Variants in SLC25A33 observed in about 807,000 individuals in gnomAD.
SLC25A33 encodes bone marrow stromal cell mitochondrial carrier protein.
Under a neutral mutation model 35.5 loss-of-function variants are expected in SLC25A33, and 15 were observed. The observed-to-expected ratio is 0.42, with a 90% CI of 0.28 to 0.65. The LOEUF (loss-of-function observed/expected upper bound fraction) is 0.65. Among genes scored for constraint, SLC25A33 ranks in the 30% least tolerant of loss-of-function variants. SLC25A33 has a pLI of 0.20. For synonymous variants in SLC25A33, 136 were observed against 148.7 expected (o/e 0.91, Z 0.62); for missense variants, 257 against 398.5 (o/e 0.64, Z 3.02).
At chr1:9,560,389 C>G (rs1475052294) in intron 2 of SLC25A33, among the ~76,000 whole-genome samples, 1 of 151,888 alleles carries the variant, frequency 6.6e-6, no homozygotes, top group African/African-American at 2.4e-5. Context: ...ACGGTGAAAC[C>G]CTATCTCTAC....
At chr1:9,572,692 A>G (rs1050216577) in intron 4 of SLC25A33, among the ~76,000 whole-genome samples, 7 of 152,140 alleles carry the variant, frequency 4.6e-5, no homozygotes, top group African/African-American at 1.7e-4. Flanking sequence ...GGTGTGAGGT[A>G]TTACAGAAGA....
chr1:9,576,942 T>A, intron 5 of SLC25A33: 1 of 1,290,268 alleles, frequency 7.8e-7, no homozygotes, highest in Non-Finnish European at 1.1e-6. Flanking sequence ...GGGGATGGTA[T>A]CTATGTCTCT....
intron 2 of SLC25A33, among the ~76,000 whole-genome samples, chr1:9,564,055 C>A (rs9430273): frequency 0.27 from 40,354 of 151,978 alleles, 6,798 homozygotes; most frequent in African/African-American, 0.48. Flanking sequence ...AGAAATCCTC[C>A]ATAAGAAAAA....
intron 3 of SLC25A33, among the ~76,000 whole-genome samples, chr1:9,567,595 A>C (rs1022944050): frequency 6.6e-6 from 1 of 152,244 alleles, no homozygotes; most frequent in African/African-American, 2.4e-5. Context: ...TTAATCTGCT[A>C]TCATTACTGT....
intron 1 of SLC25A33, among the ~76,000 whole-genome samples, chr1:9,541,819 A>G (rs546843823): frequency 4.3e-4 from 65 of 149,922 alleles, no homozygotes; most frequent in African/African-American, 1.5e-3. Flanking sequence ...GTTTTTTTTC[A>G]GACGGAGTCT....
chr1:9,579,876 C>G, intron 5 of SLC25A33, 78 bp from the exon 6 acceptor site: 18 of 1,482,110 alleles, frequency 1.2e-5, no homozygotes, highest in Non-Finnish European at 1.6e-5. Context: ...AGACCCGTAC[C>G]TGTTCTCCTA....
chr1:9,569,237 C>A (rs1387226636), intron 3 of SLC25A33, among the ~76,000 whole-genome samples: 1 of 149,802 alleles, frequency 6.7e-6, no homozygotes, highest in South Asian at 2.1e-4. Context: ...AGAGCGAGAA[C>A]TCCATCTCAA....
At chr1:9,581,476 C>T (rs1643743735) in intron 6 of SLC25A33, among the ~76,000 whole-genome samples, 1 of 152,070 alleles carries the variant, frequency 6.6e-6, no homozygotes, top group East Asian at 1.9e-4. Context: ...TTGCTGTAAT[C>T]CCAGCACTTT....
At chr1:9,552,042 G>A (rs903818239) in intron 1 of SLC25A33, among the ~76,000 whole-genome samples, 2 of 152,092 alleles carry the variant, frequency 1.3e-5, no homozygotes, top group African/African-American at 4.8e-5. Context: ...TTGCCTTGAA[G>A]AAAAATATTT....
Position 9,583,863 on chromosome 1 carries a change from C to G in SLC25A33, c.*1362C>G, listed in dbSNP as rs1008769374. 6.6e-6 allele frequency: 1 copy of G among 152,020 alleles called. No individual in the cohort carries two copies. The highest frequency in any genetic ancestry group is 1.5e-5 in the Non-Finnish European group (1 of 68,038). The allele number at this position is 152,020 out of a possible 1,614,324, so 9.4% of individuals were successfully genotyped here. On this transcript the variant is annotated 3_prime_UTR_variant, in exon 7 of 7. Coordinates refer to ENST00000302692, the MANE Select transcript of SLC25A33 (RefSeq NM_032315.3). ...CAAAAAAATTGGCCATGCGTGGTGG[C>G]GGGCACCCATAGTCCCAGCTACTCG...
chr1:9,552,042 G>T (rs903818239), intron 1 of SLC25A33, among the ~76,000 whole-genome samples: 7 of 152,092 alleles, frequency 4.6e-5, no homozygotes, highest in Admixed American at 3.3e-4. Context: ...TTGCCTTGAA[G>T]AAAAATATTT....
chr1:9,582,112 C>T lies in SLC25A33; in HGVS notation c.764-187C>T, dbSNP rs1471107642. On this transcript the variant is annotated intron_variant, in intron 6 of 6. Coordinates refer to ENST00000302692, the MANE Select transcript of SLC25A33 (RefSeq NM_032315.3). This position sits in a 1 kb window ranked among gnomAD's most constrained non-coding sequence, Gnocchi z 4.0. The stretch of plus-strand genomic sequence containing the variant: ...GTTTTTCAGTAGAGACGGGGTTTCA[C>T]CATGTTGGCCAGGCTGGTCTCCAAC... 6.6e-6 allele frequency among the ~76,000 whole-genome samples: 1 copy of T among 152,098 alleles called. No individual in the cohort carries two copies. Among genetic ancestry groups the T allele is most frequent in the Non-Finnish European group, 1.5e-5 (1 of 68,018 alleles).
Position 9,564,725 on chromosome 1 carries a change from T to TAAA in SLC25A33, c.237-2546_237-2544dup, listed in dbSNP as rs1553146726. Among the ~76,000 whole-genome samples the TAAA allele has an allele frequency of 1.2e-3, 113 of 94,462 alleles. 2 individuals carry two copies. Among genetic ancestry groups the TAAA allele is most frequent in the African/African-American group, 4.8e-3 (95 of 19,984 alleles). 62.0% of individuals were successfully genotyped at this position (94,462 alleles called of 152,430 possible). A position where few individuals can be genotyped will look rare whatever the true frequency, so the allele number is the denominator to read the frequency against. On this transcript the variant is annotated intron_variant, in intron 2 of 6. Coordinates refer to ENST00000302692, the MANE Select transcript of SLC25A33 (RefSeq NM_032315.3). ...AACATGGTGACACCTCGTCTCTATT[T>TAAA]AAAAAAAAAAAAAAATATATATATA...
intron 2 of SLC25A33, among the ~76,000 whole-genome samples, chr1:9,564,206 A>C (rs1191932467): frequency 6.6e-6 from 1 of 152,238 alleles, no homozygotes; most frequent in South Asian, 2.1e-4. Context: ...AATGTTCCAT[A>C]CAATCCTTTC....
chr1:9,554,069 C>G (rs187168187), intron 2 of SLC25A33, among the ~76,000 whole-genome samples: 1 of 152,300 alleles, frequency 6.6e-6, no homozygotes, highest in Admixed American at 6.5e-5. Context: ...TAAATTGTTG[C>G]ATCACATCAT....
At chr1:9,559,420 A>G (rs1643389118) in intron 2 of SLC25A33, among the ~76,000 whole-genome samples, 1 of 152,146 alleles carries the variant, frequency 6.6e-6, no homozygotes, top group South Asian at 2.1e-4. Flanking sequence ...TAAAGGGCTT[A>G]ACACCCTCCC....
chr1:9,575,058 A>T (rs1643641662), intron 5 of SLC25A33, among the ~76,000 whole-genome samples: 1 of 151,594 alleles, frequency 6.6e-6, no homozygotes, highest in Non-Finnish European at 1.5e-5. Context: ...CTAAAAATAC[A>T]AAAAATAAGC....
chr1:9,557,557 G>A (rs528698298), intron 2 of SLC25A33, among the ~76,000 whole-genome samples: 59 of 151,964 alleles, frequency 3.9e-4, no homozygotes, highest in African/African-American at 1.0e-3. Flanking sequence ...AAAATTAGCC[G>A]GGCATGTTGG....
At chr1:9,546,267 C>G (rs1303681214) in intron 1 of SLC25A33, among the ~76,000 whole-genome samples, 3 of 139,458 alleles carry the variant, frequency 2.2e-5, no homozygotes, top group African/African-American at 7.9e-5. Flanking sequence ...TCACTGCAAA[C>G]TCCATCTCCC....
Sources: allele counts gnomAD v4.1 joint callset (sites outside exome capture counted in the v4.1 genomes callset), GRCh38; gene constraint gnomAD v4.1.1; non-coding constraint Gnocchi (gnomAD v3.1); transcripts MANE v1.5; gene names NCBI Gene and HGNC (gene_info 2026-07-23, HGNC 2026-07-21).